TRPM2: variants seen among roughly 807,000 people sequenced by gnomAD.
The protein encoded by TRPM2 is transient receptor potential cation channel subfamily M member 2.
Under a neutral mutation model 174.0 loss-of-function variants are expected in TRPM2, and 161 were observed. The ratio of observed to expected loss-of-function variants is 0.93; its 90% CI spans 0.81 to 1.05. The LOEUF is 1.05. Among genes scored for constraint, TRPM2 ranks in the 50% least tolerant of loss-of-function variants. The pLI is 0.00. For missense variants in TRPM2, 2,057 were observed against 2,038.0 expected, an observed-to-expected ratio of 1.01 and a Z score of -0.18; for synonymous variants, 954 against 861.3, an observed-to-expected ratio of 1.11 and a Z score of -1.88.
Position 44,366,958 on chromosome 21 carries a change from C to T in TRPM2, c.604+24C>T, listed in dbSNP as rs992472288. The T allele has an allele frequency of 2.3e-5, 35 of 1,552,338 alleles. 1 individual carries two copies. In the East Asian group the frequency reaches 2.3e-4, roughly 10 times the overall value. ...AGGTAACTCGGAGGCTGGAGGGACA[C>T]GAGGCCCCGGCGGGTGGGGTGGGCT... On this transcript the variant is annotated intron_variant, in intron 4 of 31. Transcript: ENST00000397928. The surrounding 1 kb of genome is among the most constrained non-coding windows in gnomAD (Gnocchi z 6.0).
At chr21:44,375,106 C>T (rs781678159) in intron 5 of TRPM2, among the ~76,000 whole-genome samples, 12 of 152,142 alleles carry the variant, frequency 7.9e-5, no homozygotes, top group South Asian at 2.1e-4. Flanking sequence ...ACATGAGATC[C>T]GCTATGTCGT....
At position 44,423,277 on chromosome 21, in the gene TRPM2, C is replaced by G; in HGVS notation, c.3462-368C>G. ...CCAAATATTCCCCAAGCAACAGTGC[C>G]GCGCCACATCACCCCCAAAACAAAA... On this transcript the variant is annotated intron_variant, in intron 22 of 31. Coordinates refer to ENST00000397928, the MANE Select transcript of TRPM2 (RefSeq NM_003307.4). 1.1e-5 allele frequency: 3 copies of G among 280,596 alleles called. No homozygotes were observed. The East Asian group carries it at 2.4e-4, about 22-fold the overall frequency. 17.4% of individuals were successfully genotyped at this position (280,596 alleles called of 1,614,324 possible). A position where few individuals can be genotyped will look rare whatever the true frequency, so the allele number is the denominator to read the frequency against.
chr21:44,389,935 C>T (rs181386316), intron 9 of TRPM2, among the ~76,000 whole-genome samples: 45 of 149,524 alleles, frequency 3.0e-4, no homozygotes, highest in Admixed American at 6.7e-4. Flanking sequence ...TGCAGTGGCG[C>T]GATCTCGGAT....
rs1400964951 is a variant in TRPM2, at chr21:44,391,975, A to AT, written c.1794+357dup. 6.6e-6 allele frequency among the ~76,000 whole-genome samples: 1 copy of AT among 151,458 alleles called. No individual in the cohort carries two copies. The highest frequency in any genetic ancestry group is 1.5e-5 in the Non-Finnish European group (1 of 67,874). ...CTTCTTTTTCTTTTATTTATTTTTT[A>AT]TTTTTTTGAGACAGGGTCTCACTCT... is the stretch of plus-strand genomic sequence containing the variant. On this transcript the variant is annotated intron_variant, in intron 11 of 31. Transcript: ENST00000397928. This position sits in a 1 kb window ranked among gnomAD's most constrained non-coding sequence, Gnocchi z 5.0.
chr21:44,362,021 G>T (rs2048222101), intron 2 of TRPM2, among the ~76,000 whole-genome samples: 1 of 152,138 alleles, frequency 6.6e-6, no homozygotes. Flanking sequence ...CTATTTTTGA[G>T]TGTATCTTCT....
Position 44,366,963 on chromosome 21 carries a change from C to A in TRPM2, c.604+29C>A, listed in dbSNP as rs748407431. ...ACTCGGAGGCTGGAGGGACACGAGG[C>A]CCCGGCGGGTGGGGTGGGCTGTGGA... On this transcript the variant is annotated intron_variant, in intron 4 of 31. Transcript: ENST00000397928. This position sits in a 1 kb window ranked among gnomAD's most constrained non-coding sequence, Gnocchi z 6.0. 1.3e-6 allele frequency: 2 copies of A among 1,548,096 alleles called. No homozygotes were observed. Among genetic ancestry groups the A allele is most frequent in the Non-Finnish European group, 1.7e-6 (2 of 1,144,108 alleles).
chr21:44,373,448 A>T (rs62218765), intron 5 of TRPM2, among the ~76,000 whole-genome samples: 24,255 of 152,162 alleles, frequency 0.16, 2,235 homozygotes, highest in Non-Finnish European at 0.2. Flanking sequence ...CGGCCCCCCA[A>T]AGTGCTGGGA....
chr21:44,400,478 GTGTCCTCAGAAT>G, intron 15 of TRPM2, 107 bp downstream of exon 15: 3 of 950,968 alleles, frequency 3.2e-6, no homozygotes, highest in Non-Finnish European at 4.7e-6. Context: ...AGCAAGTCAT[GTGTCCTCAGAAT>G]TGTCCCTGGA....
intron 27 of TRPM2, among the ~76,000 whole-genome samples, chr21:44,428,667 T>G (rs1319706401): frequency 5.0e-4 from 35 of 69,532 alleles, no homozygotes; most frequent in Non-Finnish European, 6.3e-4. Context: ...CTCCTCCCCT[T>G]AGGTCTGGCT....
intron 27 of TRPM2, among the ~76,000 whole-genome samples, chr21:44,430,919 A>G (rs925553136): frequency 6.6e-6 from 1 of 151,100 alleles, no homozygotes; most frequent in Non-Finnish European, 1.5e-5. Flanking sequence ...ATAAATATAT[A>G]GTAATTTCTC....
At chr21:44,431,592 C>T (rs2051023928) in intron 27 of TRPM2, among the ~76,000 whole-genome samples, 1 of 152,212 alleles carries the variant, frequency 6.6e-6, no homozygotes, top group Admixed American at 6.5e-5. Flanking sequence ...TCTCCTACCT[C>T]AGCCTCCCAA....
In TRPM2 at chr21:44,388,833, TCAAAAA is replaced by T. The variant is rs374197681; in HGVS notation, c.1319-2055_1319-2050del. ...CTGGGTGACAGAGGAAGACCCTGTCTCAAAAACAAAAACAAAAACAACCCAAAAAGT... is the reference window on the plus strand; with the variant it reads ...CTGGGTGACAGAGGAAGACCCTGTCTCAAAAACAAAAACAACCCAAAAAGT... On this transcript the variant is annotated intron_variant, in intron 9 of 31. Transcript: ENST00000397928. Among the ~76,000 whole-genome samples the T allele has an allele frequency of 1.8e-3, 278 of 152,140 alleles. 1 individual carries two copies. Among genetic ancestry groups the T allele is most frequent in the African/African-American group, 6.3e-3 (260 of 41,514 alleles).
rs199944885 is a variant in TRPM2 at position 44,399,320 on chromosome 21, A to G, written c.2087A>G (p.Lys696Arg). The G allele has an allele frequency of 1.9e-6, 3 of 1,612,722 alleles. No individual in the cohort carries two copies. The East Asian group carries it at 6.7e-5, about 36-fold the overall frequency. ...AIGVFTECYR[K>R]DEERAQKLLT... ...GGGGTCTTCACCGAGTGCTACCGGA[A>G]GGACGAAGAGAGAGCCCAGAAACTG... is the stretch of plus-strand genomic sequence containing the variant. The change falls in exon 14 of 32, where the codon AAG becomes AGG. Residue 696 changes from lysine (K) to arginine (R), a missense_variant. Lys to Arg is a conservative substitution (Grantham distance 26). Coordinates refer to ENST00000397928, the MANE Select transcript of TRPM2 (RefSeq NM_003307.4). This position sits in a 1 kb window ranked among gnomAD's most constrained non-coding sequence, Gnocchi z 4.6.
At chr21:44,441,602 C>T (rs1601278640) in intron 31 of TRPM2, 90 bp from the exon 32 acceptor site, 3 of 1,463,012 alleles carry the variant, frequency 2.1e-6, no homozygotes, top group East Asian at 4.9e-5. Context: ...GGTGTGCAGG[C>T]CCCAAGCCCT....
At chr21:44,351,572 A>G (rs2047926330), upstream of TRPM2, among the ~76,000 whole-genome samples, 1 of 152,214 alleles carries the variant, frequency 6.6e-6, no homozygotes, top group African/African-American at 2.4e-5. Flanking sequence ...AGCTGTTCTC[A>G]GGTGACTTGT....
chr21:44,387,667 C>T (rs1166596321), intron 9 of TRPM2, among the ~76,000 whole-genome samples: 1 of 151,866 alleles, frequency 6.6e-6, no homozygotes. Flanking sequence ...GGATTGGTAT[C>T]CAGAATATAT....
At chr21:44,382,571 G>A (rs999716110) in intron 8 of TRPM2, 147 bp from the exon 9 acceptor site, 24 of 671,580 alleles carry the variant, frequency 3.6e-5, no homozygotes, top group Non-Finnish European at 5.9e-5. Context: ...ACCATCTAGG[G>A]CAAGAGGAGA....
chr21:44,403,904 C>T (rs1397781859), intron 16 of TRPM2, among the ~76,000 whole-genome samples: 1 of 151,740 alleles, frequency 6.6e-6, no homozygotes, highest in East Asian at 1.9e-4. Flanking sequence ...ATACAGCACA[C>T]ACATGCATAC....
chr21:44,353,326 G>A (rs868382179), upstream of TRPM2: 5 of 171,914 alleles, frequency 2.9e-5, no homozygotes, highest in South Asian at 1.7e-4. Context: ...TTCCCTGTGC[G>A]GTGCTCAGTG....
Sources: allele counts gnomAD v4.1 joint callset (sites outside exome capture counted in the v4.1 genomes callset), GRCh38; gene constraint gnomAD v4.1.1; non-coding constraint Gnocchi (gnomAD v3.1); transcripts MANE v1.5; gene names NCBI Gene and HGNC (gene_info 2026-07-23, HGNC 2026-07-21).